ZBTB6: variants seen among roughly 807,000 people sequenced by gnomAD.
ZBTB6 encodes zinc finger and BTB domain-containing protein 6.
In ZBTB6, 11 loss-of-function variants were observed where a neutral mutation model predicts 30.6. The ratio of observed to expected loss-of-function variants is 0.36; its 90% CI spans 0.23 to 0.60. The LOEUF (loss-of-function observed/expected upper bound fraction) is 0.60. Among genes scored for constraint, ZBTB6 ranks in the 20% least tolerant of loss-of-function variants. The pLI, the probability that ZBTB6 is intolerant of heterozygous loss-of-function variation, is 0.75. For synonymous variants in ZBTB6, 174 were observed against 172.0 expected (o/e 1.01, Z -0.09); for missense variants, 380 against 489.4 (o/e 0.78, Z 2.11).
intron 1 of ZBTB6, 102 bp from the exon 2 acceptor site, chr9:122,912,183 A>G: frequency 8.4e-7 from 1 of 1,196,366 alleles, no homozygotes; most frequent in Admixed American, 2.6e-5. Flanking sequence ...CTGAATTAGG[A>G]AGAAGAAGAC....
In ZBTB6 at chr9:122,911,229, C is replaced by G. The variant is rs1242648484; in HGVS notation, c.844G>C (p.Gly282Arg). 16 of 1,614,066 alleles carry G rather than the reference C, an allele frequency of 9.9e-6. No homozygotes were observed. In the East Asian group the frequency reaches 3.6e-4, roughly 36 times the overall value. ...DQGLFCENTEGSYGTVSEIQN... is the reference protein window; with the variant it reads ...DQGLFCENTERSYGTVSEIQN... ...ATCTCACTCACTGTACCATAACTTC[C>G]TTCAGTATTCTCACAAAATAAGCCC... Residue 282 changes from glycine to arginine, a missense_variant, in exon 2 of 2, where the codon GGA becomes CGA. Coordinates refer to ENST00000373659, the MANE Select transcript of ZBTB6 (RefSeq NM_006626.6). This position sits in a 1 kb window ranked among gnomAD's most constrained non-coding sequence, Gnocchi z 4.5.
At chr9:122,912,465 T>G (rs750112463) in intron 1 of ZBTB6, among the ~76,000 whole-genome samples, 1 of 152,008 alleles carries the variant, frequency 6.6e-6, no homozygotes, top group African/African-American at 2.4e-5. Flanking sequence ...TTAGCAACTT[T>G]AACGTAATCT....
chr9:122,911,290 C>T lies in ZBTB6; in HGVS notation c.783G>A (p.Glu261=). ...TQHSLINSTV[E]SRVAEVPGNQ... is the part of the protein sequence containing the mutation. ...TCCCAGGAACTTCAGCCACTCTGCT[C>T]TCAACTGTAGAATTGATCAATGAAT... Residue 261 remains glutamate (E), a synonymous_variant, in exon 2 of 2, where the codon GAG becomes GAA. Coordinates refer to ENST00000373659, the MANE Select transcript of ZBTB6 (RefSeq NM_006626.6). This position sits in a 1 kb window ranked among gnomAD's most constrained non-coding sequence, Gnocchi z 4.5. 1.2e-6 allele frequency: 2 copies of T among 1,614,118 alleles called. No individual in the cohort carries two copies. Among genetic ancestry groups the T allele is most frequent in the Non-Finnish European group, 1.7e-6 (2 of 1,180,040 alleles).
rs542224594 is a variant in ZBTB6, at chr9:122,912,762, C to G, written c.-10+489G>C. Among the ~76,000 whole-genome samples, 6 of 152,274 alleles carry G rather than the reference C, an allele frequency of 3.9e-5. No individual in the cohort carries two copies. The South Asian group carries it at 1.2e-3, about 32-fold the overall frequency. On this transcript the variant is annotated intron_variant, in intron 1 of 1. Transcript: ENST00000373659. Reference sequence around the variant, plus strand: ...CTAACCCATCTTTATGGCTTTATCACCTTCTATTCTCTTTTTCATACTCGA... The same window carrying G: ...CTAACCCATCTTTATGGCTTTATCAGCTTCTATTCTCTTTTTCATACTCGA...
Position 122,908,733 on chromosome 9 carries a change from T to A in ZBTB6, c.*2065A>T, listed in dbSNP as rs745749625. On this transcript the variant is annotated 3_prime_UTR_variant, in exon 2 of 2. Coordinates refer to ENST00000373659, the MANE Select transcript of ZBTB6 (RefSeq NM_006626.6). ...TTTTCACACCAACAAATGGCCAATC[T>A]TAGGTCAAATGGAAGCAATGAACTA... is the stretch of plus-strand genomic sequence containing the variant. 2.0e-5 allele frequency: 3 copies of A among 152,142 alleles called. No homozygotes were observed. Among genetic ancestry groups the A allele is most frequent in the African/African-American group, 4.8e-5 (2 of 41,426 alleles). 9.4% of individuals were successfully genotyped at this position (152,142 alleles called of 1,614,324 possible).
In ZBTB6 at chr9:122,911,461, C is replaced by A; in HGVS notation, c.612G>T (p.Glu204Asp). The stretch of plus-strand genomic sequence containing the variant: ...TAAAACCTATGTCTACTGTAGACAG[C>A]TCTGGTGACTTCATTTCCTTTCTCT... ...TSERKEMKSPELSTVDIGFKD... is the reference protein window; with the variant it reads ...TSERKEMKSPDLSTVDIGFKD... Residue 204 changes from glutamate to aspartate, a missense_variant, in exon 2 of 2, where the codon GAG (glutamate) becomes GAT (aspartate). Transcript: ENST00000373659. The surrounding 1 kb of genome is among the most constrained non-coding windows in gnomAD (Gnocchi z 4.5). The A allele has an allele frequency of 1.2e-6, 2 of 1,614,162 alleles. No homozygotes were observed. Among genetic ancestry groups the A allele is most frequent in the Non-Finnish European group, 8.5e-7 (1 of 1,180,032 alleles).
chr9:122,911,557 T>C lies in ZBTB6; in HGVS notation c.516A>G (p.Val172=), dbSNP rs773168525. 6.2e-7 allele frequency: 1 copy of C among 1,613,998 alleles called. No individual in the cohort carries two copies. Among genetic ancestry groups the C allele is most frequent in the Admixed American group, 1.7e-5 (1 of 60,010 alleles). Residue 172 remains valine, a synonymous_variant, in exon 2 of 2, where the codon GTA becomes GTG. Transcript: ENST00000373659. The surrounding 1 kb of genome is among the most constrained non-coding windows in gnomAD (Gnocchi z 4.5). The part of the protein sequence containing the change: ...EIIEISEDSP[V]NIDFHVKEEE... Reference sequence around the variant, plus strand: ...CTTCTTTAACATGGAAATCTATGTTTACAGGACTATCTTCTGAAATTTCAA... The same window carrying C: ...CTTCTTTAACATGGAAATCTATGTTCACAGGACTATCTTCTGAAATTTCAA...
At position 122,910,910 on chromosome 9, in the gene ZBTB6, T is replaced by C. The variant is rs749030716; in HGVS notation, c.1163A>G (p.Asp388Gly). Residue 388 changes from aspartate (D) to glycine (G), a missense_variant, in exon 2 of 2, where the codon GAT becomes GGT. Coordinates refer to ENST00000373659, the MANE Select transcript of ZBTB6 (RefSeq NM_006626.6). ...GDRPYKCHCC[D>G]MDFKHKSALK... is the part of the protein sequence containing the mutation. ...AGCAGACTTGTGCTTGAAATCCATA[T>C]CACAACAGTGGCATTTGTATGGCCG... 1.3e-5 allele frequency: 21 copies of C among 1,614,182 alleles called. No individual in the cohort carries two copies. In the East Asian group the frequency reaches 4.2e-4, roughly 33 times the overall value.
Position 122,908,349 on chromosome 9 carries a change from AC to A in ZBTB6, c.*2448del, listed in dbSNP as rs1832922198. 1 of 152,576 alleles carries A rather than the reference AC, an allele frequency of 6.6e-6. No individual in the cohort carries two copies. The highest frequency in any genetic ancestry group is 1.5e-5 in the Non-Finnish European group (1 of 68,030). 9.5% of individuals were successfully genotyped at this position (152,576 alleles called of 1,614,324 possible). ...GAAAATTTTTAGACATATCATGCAA[AC>A]AGACACTCTCCTAGGAATGTTTGGA... On this transcript the variant is annotated 3_prime_UTR_variant, in exon 2 of 2. Coordinates refer to ENST00000373659, the MANE Select transcript of ZBTB6 (RefSeq NM_006626.6).
Position 122,910,964 on chromosome 9 carries a change from T to C in ZBTB6, c.1109A>G (p.Gln370Arg). The C allele has an allele frequency of 1.9e-6, 3 of 1,614,228 alleles. No homozygotes were observed. The highest frequency in any genetic ancestry group is 2.5e-6 in the Non-Finnish European group (3 of 1,180,036). Residue 370 changes from glutamine (Q) to arginine (R), a missense_variant, in exon 2 of 2, where the codon CAG becomes CGG. Physicochemically the swap from Gln to Arg is conservative, Grantham distance 43 (BLOSUM62 1). Transcript: ENST00000373659. The part of the protein sequence containing the change: ...LKTFTAKSTL[Q>R]DHLNIHSGDR... ...CCCACTGTGTATGTTCAAGTGGTCC[T>C]GAAGTGTGCTTTTGGCAGTAAATGT...
Position 122,911,998 on chromosome 9 carries a change from A to C in ZBTB6, c.75T>G (p.Leu25=). Residue 25 remains leucine (L), a synonymous_variant, in exon 2 of 2, where the codon CTT becomes CTG. Transcript: ENST00000373659. The surrounding 1 kb of genome is among the most constrained non-coding windows in gnomAD (Gnocchi z 4.5). ...CACAAAATAAATTCTGCTGTCTCAA[A>C]AGATTCATTTTCTGCAAGACCACAT... is the stretch of plus-strand genomic sequence containing the variant. ...QGDVVLQKMN[L]LRQQNLFCDV... is the part of the protein sequence containing the mutation. 1.2e-6 allele frequency: 2 copies of C among 1,614,210 alleles called. No homozygotes were observed. Among genetic ancestry groups the C allele is most frequent in the Non-Finnish European group, 1.7e-6 (2 of 1,180,040 alleles).
At position 122,910,867 on chromosome 9, in the gene ZBTB6, G is replaced by C; in HGVS notation, c.1206C>G (p.Thr402=). ...CACCACTGCTTCTGCCATGGACAGA[G>C]GTTAAGTGCTTTTTGAGAGCAGACT... ...KHKSALKKHL[T]SVHGRSSGEK... The change falls in exon 2 of 2, where the codon ACC becomes ACG. Residue 402 remains threonine, a synonymous_variant. Coordinates refer to ENST00000373659, the MANE Select transcript of ZBTB6 (RefSeq NM_006626.6). 6.2e-7 allele frequency: 1 copy of C among 1,614,210 alleles called. No homozygotes were observed. Among genetic ancestry groups the C allele is most frequent in the Non-Finnish European group, 8.5e-7 (1 of 1,180,024 alleles).
At chr9:122,912,172 C>A (rs541384352) in intron 1 of ZBTB6, 91 bp from the exon 2 acceptor site, 12 of 1,286,832 alleles carry the variant, frequency 9.3e-6, no homozygotes, top group Non-Finnish European at 1.2e-5. Flanking sequence ...AAACCCCAAA[C>A]CTGAATTAGG....
Position 122,910,390 on chromosome 9 carries a change from G to A in ZBTB6, c.*408C>T, listed in dbSNP as rs1273863120. The A allele has an allele frequency of 1.3e-5, 2 of 157,316 alleles. No individual in the cohort carries two copies. Among genetic ancestry groups the A allele is most frequent in the Non-Finnish European group, 1.4e-5 (1 of 71,290 alleles). 9.7% of individuals were successfully genotyped at this position (157,316 alleles called of 1,614,324 possible). ...CTAAAGTGACTAGAAACAGGTAATAGTGTTTTTACCTTTATTTTCTCTTCT... is the reference window on the plus strand; with the variant it reads ...CTAAAGTGACTAGAAACAGGTAATAATGTTTTTACCTTTATTTTCTCTTCT... On this transcript the variant is annotated 3_prime_UTR_variant, in exon 2 of 2. Transcript: ENST00000373659.
In ZBTB6 at chr9:122,909,683, C is replaced by G. The variant is rs747015068; in HGVS notation, c.*1115G>C. 4 of 151,974 alleles carry G rather than the reference C, an allele frequency of 2.6e-5. No homozygotes were observed. Among genetic ancestry groups the G allele is most frequent in the African/African-American group, 4.8e-5 (2 of 41,370 alleles). The allele number at this position is 151,974 out of a possible 1,614,324, so 9.4% of individuals were successfully genotyped here. The stretch of plus-strand genomic sequence containing the variant: ...CTAGTAACAGCTAGAATATATATTG[C>G]CAATTCAAAATTTAAAATGACATGG... On this transcript the variant is annotated 3_prime_UTR_variant, in exon 2 of 2. Transcript: ENST00000373659.
In ZBTB6 at chr9:122,910,917, A is replaced by G. The variant is rs1198471881; in HGVS notation, c.1156T>C (p.Cys386Arg). 6.2e-7 allele frequency: 1 copy of G among 1,614,166 alleles called. No homozygotes were observed. The highest frequency in any genetic ancestry group is 8.5e-7 in the Non-Finnish European group (1 of 1,180,020). The change falls in exon 2 of 2, where the codon TGT (cysteine) becomes CGT (arginine). Residue 386 changes from cysteine to arginine, a missense_variant. By Grantham distance (180) the Cys-to-Arg change is radical. Transcript: ENST00000373659. ...TTGTGCTTGAAATCCATATCACAAC[A>G]GTGGCATTTGTATGGCCGATCCCCA... Reference protein sequence around the residue: ...HSGDRPYKCHCCDMDFKHKSA... With the variant: ...HSGDRPYKCHRCDMDFKHKSA...
intron 1 of ZBTB6, among the ~76,000 whole-genome samples, chr9:122,912,770 T>G (rs1210268096): frequency 6.6e-6 from 1 of 152,148 alleles, no homozygotes; most frequent in Non-Finnish European, 1.5e-5. Flanking sequence ...CACCTTCTAT[T>G]CTCTTTTTCA....
rs945880447 is a variant in ZBTB6, at chr9:122,909,714, C to A, written c.*1084G>T. 1.3e-5 allele frequency: 2 copies of A among 151,934 alleles called. No homozygotes were observed. The highest frequency in any genetic ancestry group is 2.9e-5 in the Non-Finnish European group (2 of 67,998). The allele number at this position is 151,934 out of a possible 1,614,324, so 9.4% of individuals were successfully genotyped here. A position where few individuals can be genotyped will look rare whatever the true frequency, so the allele number is the denominator to read the frequency against. ...CAAAATTTAAAATGACATGGATGAACCTCAAAGTCATTATGCTGGGTGAAA... is the reference window on the plus strand; with the variant it reads ...CAAAATTTAAAATGACATGGATGAAACTCAAAGTCATTATGCTGGGTGAAA... On this transcript the variant is annotated 3_prime_UTR_variant, in exon 2 of 2. Transcript: ENST00000373659.
rs751580815 is a variant in ZBTB6 at position 122,910,757 on chromosome 9, T to C, written c.*41A>G. The C allele has an allele frequency of 2.6e-5, 39 of 1,517,602 alleles. No homozygotes were observed. The highest frequency in any genetic ancestry group is 3.4e-5 in the Non-Finnish European group (38 of 1,120,766). The allele number at this position is 1,517,602 out of a possible 1,614,324, so 94.0% of individuals were successfully genotyped here. On this transcript the variant is annotated 3_prime_UTR_variant, in exon 2 of 2. Transcript: ENST00000373659. ...CATCTCTACAGAAAGACTTGCGTAA[T>C]AGAATAATACAAACTTTATATAACA...
Sources: allele counts gnomAD v4.1 joint callset (sites outside exome capture counted in the v4.1 genomes callset), GRCh38; gene constraint gnomAD v4.1.1; non-coding constraint Gnocchi (gnomAD v3.1); transcripts MANE v1.5; gene names NCBI Gene and HGNC (gene_info 2026-07-23, HGNC 2026-07-21).